Variants in GRIP1 observed in about 807,000 individuals in gnomAD.
The protein encoded by GRIP1 is glutamate receptor interacting protein 1.
A neutral mutation model predicts 129.9 loss-of-function variants in GRIP1; 45 were observed. That is an observed-to-expected ratio of 0.35 (90% CI 0.27 to 0.44). GRIP1 has a LOEUF of 0.44. Ranked by LOEUF, GRIP1 falls within the 20% of genes least tolerant of loss-of-function variation. The probability of loss-of-function intolerance (pLI) is 1.00; values close to 1 mark genes in which losing one functional copy is unlikely to be tolerated. For synonymous variants in GRIP1, 530 were observed against 520.8 expected, an observed-to-expected ratio of 1.02 and a Z score of -0.24; for missense variants, 1,196 against 1,396.8, an observed-to-expected ratio of 0.86 and a Z score of 2.29.
rs143331645 is a variant in GRIP1 at position 66,617,143 on chromosome 12, G to A, written c.56-20216C>T. Among the ~76,000 whole-genome samples the A allele has an allele frequency of 8.0e-4, 119 of 148,702 alleles. 2 individuals are homozygous for A. In the East Asian group the frequency reaches 0.02, roughly 26 times the overall value. ...TGTGTGTGTCTGCACGTGTGTAGATGGGGGAGGTGAAGAGAGTTATAACTG... is the reference window on the plus strand; with the variant it reads ...TGTGTGTGTCTGCACGTGTGTAGATAGGGGAGGTGAAGAGAGTTATAACTG... On this transcript the variant is annotated intron_variant, in intron 1 of 24. Transcript: ENST00000359742.
intron 19 of GRIP1, among the ~76,000 whole-genome samples, chr12:66,387,252 T>A (rs945384325): frequency 5.9e-5 from 9 of 152,184 alleles, no homozygotes; most frequent in Non-Finnish European, 1.2e-4. Context: ...CCATCTGGCA[T>A]CAAGGTAAAG....
intron 1 of GRIP1, among the ~76,000 whole-genome samples, chr12:66,855,447 T>C (rs1247953796): frequency 6.6e-6 from 1 of 152,022 alleles, no homozygotes; most frequent in African/African-American, 2.4e-5. Context: ...AAGTACACTT[T>C]CACGGAGTGT....
At chr12:66,516,450 G>A (rs2060847078) in intron 6 of GRIP1, among the ~76,000 whole-genome samples, 1 of 151,990 alleles carries the variant, frequency 6.6e-6, no homozygotes, top group Non-Finnish European at 1.5e-5. Flanking sequence ...AAAATCAAAT[G>A]GTGGGATTAT....
At chr12:66,590,926 G>C (rs961531305) in intron 2 of GRIP1, among the ~76,000 whole-genome samples, 4 of 152,170 alleles carry the variant, frequency 2.6e-5, no homozygotes, top group African/African-American at 9.7e-5. Context: ...TTGTAGGAAA[G>C]TATGCCAGTC....
intron 1 of GRIP1, among the ~76,000 whole-genome samples, chr12:66,889,871 T>C (rs2040628019): frequency 6.6e-6 from 1 of 152,186 alleles, no homozygotes; most frequent in African/African-American, 2.4e-5. Context: ...TTTACATATA[T>C]GGCCTTTAGA....
chr12:66,426,238 T>C (rs959710596), intron 14 of GRIP1, among the ~76,000 whole-genome samples: 1 of 152,188 alleles, frequency 6.6e-6, no homozygotes, highest in African/African-American at 2.4e-5. Flanking sequence ...TTAATGTGTT[T>C]CTTTCCTCTT....
intron 2 of GRIP1, chr12:66,568,804 G>T: frequency 3.2e-6 from 1 of 312,124 alleles, no homozygotes; most frequent in Admixed American, 3.9e-5. Flanking sequence ...CTACTATTTG[G>T]TGTTGGAGTC....
chr12:66,711,977 A>G (rs900787138), intron 1 of GRIP1, among the ~76,000 whole-genome samples: 3 of 151,966 alleles, frequency 2.0e-5, no homozygotes, highest in African/African-American at 7.2e-5. Flanking sequence ...AAACTACCAC[A>G]TGTGAAAAAT....
intron 1 of GRIP1, among the ~76,000 whole-genome samples, chr12:66,992,373 GA>G (rs1051357511): frequency 3.7e-4 from 34 of 91,852 alleles, no homozygotes; most frequent in African/African-American, 8.1e-4. Context: ...TGAAGGTTTA[GA>G]AAAAAAAAAT....
chr12:66,870,731 A>G (rs1167419378), intron 1 of GRIP1, among the ~76,000 whole-genome samples: 1 of 152,134 alleles, frequency 6.6e-6, no homozygotes, highest in Non-Finnish European at 1.5e-5. Flanking sequence ...TCACACTGGA[A>G]AGACTGGTAC....
intron 2 of GRIP1, among the ~76,000 whole-genome samples, chr12:66,581,210 A>G (rs1409143821): frequency 1.3e-5 from 2 of 152,206 alleles, no homozygotes; most frequent in African/African-American, 4.8e-5. Context: ...AACCAAAGAG[A>G]ACAAAGATAC....
At chr12:66,796,202 T>C (rs1566026672) in intron 1 of GRIP1, among the ~76,000 whole-genome samples, 2 of 152,146 alleles carry the variant, frequency 1.3e-5, no homozygotes, top group Admixed American at 6.5e-5. Context: ...ATGTCCCCTT[T>C]GGCCACAGTC....
chr12:66,558,253 T>C (rs2062401229), intron 2 of GRIP1, among the ~76,000 whole-genome samples: 1 of 152,124 alleles, frequency 6.6e-6, no homozygotes, highest in South Asian at 2.1e-4. Context: ...CAGTTACACA[T>C]GGCTGGAGAG....
intron 1 of GRIP1, among the ~76,000 whole-genome samples, chr12:66,740,101 A>G (rs2036740519): frequency 6.6e-6 from 1 of 152,166 alleles, no homozygotes; most frequent in Non-Finnish European, 1.5e-5. Flanking sequence ...AGAGCCTCAG[A>G]TAGAGCTGTG....
At chr12:66,746,326 C>G (rs1343161238) in intron 1 of GRIP1, among the ~76,000 whole-genome samples, 1 of 152,122 alleles carries the variant, frequency 6.6e-6, no homozygotes, top group Non-Finnish European at 1.5e-5. Flanking sequence ...TATTTCATAG[C>G]ATTGAAGCCT....
intron 1 of GRIP1, among the ~76,000 whole-genome samples, chr12:66,860,674 T>C (rs1227200088): frequency 6.6e-6 from 1 of 152,012 alleles, no homozygotes; most frequent in African/African-American, 2.4e-5. Flanking sequence ...CTGCTTTACA[T>C]TAAAGATGTG....
intron 2 of GRIP1, among the ~76,000 whole-genome samples, chr12:66,576,263 A>G (rs532525944): frequency 6.6e-6 from 1 of 152,342 alleles, no homozygotes; most frequent in African/African-American, 2.4e-5. Flanking sequence ...AGGATGGACT[A>G]CCATGAACTG....
In GRIP1 at chr12:66,861,456, C is replaced by T. The variant is rs2040110344; in HGVS notation, c.58+207594G>A. On this transcript the variant is annotated intron_variant, in intron 1 of 1. Coordinates refer to the GRIP1 transcript ENST00000643019. Reference sequence around the variant, plus strand: ...TTTACACAAACGAAGGCAACTTACACAGTTCTGCACTGGCTTGTTCAGAAA... The same window carrying T: ...TTTACACAAACGAAGGCAACTTACATAGTTCTGCACTGGCTTGTTCAGAAA... Among the ~76,000 whole-genome samples the T allele has an allele frequency of 5.3e-5, 8 of 152,102 alleles. No individual in the cohort carries two copies. In the South Asian group the frequency reaches 1.7e-3, roughly 31 times the overall value.
At position 66,487,267 on chromosome 12, in the gene GRIP1, A is replaced by T. The variant is rs573542177; in HGVS notation, c.725-21845T>A. 1.6e-4 allele frequency among the ~76,000 whole-genome samples: 25 copies of T among 152,308 alleles called. 1 individual carries two copies. The highest frequency in any genetic ancestry group is 6.0e-4 in the African/African-American group (25 of 41,568). Reference sequence around the variant, plus strand: ...TCATCTACAAAGAAACGCCCATCAGACTAACTGAAACTCTCAGTGGAAACC... The same window carrying T: ...TCATCTACAAAGAAACGCCCATCAGTCTAACTGAAACTCTCAGTGGAAACC... On this transcript the variant is annotated intron_variant, in intron 7 of 24. Coordinates refer to ENST00000359742, the MANE Select transcript of GRIP1 (RefSeq NM_001366722.1).
Sources: allele counts gnomAD v4.1 joint callset (sites outside exome capture counted in the v4.1 genomes callset), GRCh38; gene constraint gnomAD v4.1.1; transcripts MANE v1.5; gene names NCBI Gene and HGNC (gene_info 2026-07-23, HGNC 2026-07-21).